The following TRAPPC12 variants were observed in gnomAD, a reference collection of about 807,000 sequenced individuals.
TRAPPC12 encodes trafficking protein particle complex subunit 12, also known as TPR repeat protein 15.
TRAPPC12 carries 61 observed loss-of-function variants against 69.2 expected under a neutral mutation model. The ratio of observed to expected loss-of-function variants is 0.88; its 90% CI spans 0.72 to 1.09. TRAPPC12 has a LOEUF of 1.09. Among genes scored for constraint, TRAPPC12 ranks in the 50% least tolerant of loss-of-function variants. The probability of loss-of-function intolerance (pLI) is 0.00; values close to 1 mark genes in which losing one functional copy is unlikely to be tolerated. For synonymous variants in TRAPPC12, 469 were observed against 438.9 expected (o/e 1.07, Z -0.86); for missense variants, 1,101 against 1,016.4 (o/e 1.08, Z -1.13).
intron 1 of TRAPPC12, among the ~76,000 whole-genome samples, chr2:3,386,964 G>GT (rs932148099): frequency 1.3e-5 from 2 of 152,182 alleles, no homozygotes; most frequent in African/African-American, 4.8e-5. Flanking sequence ...ATGAAAAACA[G>GT]TTTTTTGGTG....
chr2:3,424,399 A>G, intron 4 of TRAPPC12, 126 bp from the exon 5 acceptor site: 1 of 805,180 alleles, frequency 1.2e-6, no homozygotes, highest in Non-Finnish European at 1.9e-6. Context: ...GCAAAGATAG[A>G]AAGTTAGGTT....
At chr2:3,421,815 T>G in intron 3 of TRAPPC12, 66 bp from the exon 4 acceptor site, 1 of 1,445,396 alleles carries the variant, frequency 6.9e-7, no homozygotes, top group Non-Finnish European at 9.7e-7. Flanking sequence ...TGGCTATGCG[T>G]TTGGGTCATG....
intron 3 of TRAPPC12, among the ~76,000 whole-genome samples, chr2:3,410,595 G>A (rs1007183172): frequency 6.6e-6 from 1 of 152,028 alleles, no homozygotes; most frequent in African/African-American, 2.4e-5. Flanking sequence ...ATACATAGTG[G>A]GTATAAAATG....
chr2:3,431,269 TAGAC>T (rs964152969), intron 5 of TRAPPC12, among the ~76,000 whole-genome samples: 1 of 152,206 alleles, frequency 6.6e-6, no homozygotes, highest in Non-Finnish European at 1.5e-5. Flanking sequence ...TTTGGCCCTG[TAGAC>T]AGACAGTCTC....
chr2:3,422,039 A>G, intron 4 of TRAPPC12, 45 bp downstream of exon 4: 1 of 1,474,486 alleles, frequency 6.8e-7, no homozygotes, highest in Non-Finnish European at 9.4e-7. Context: ...GGCTTATCAC[A>G]GTCTGGGGAC....
At chr2:3,403,798 A>G (rs1390674387) in intron 3 of TRAPPC12, among the ~76,000 whole-genome samples, 1 of 152,216 alleles carries the variant, frequency 6.6e-6, no homozygotes, top group East Asian at 1.9e-4. Context: ...TTCAGAAGAA[A>G]ATAATCCCAG....
chr2:3,447,777 C>T (rs920346202), intron 6 of TRAPPC12, among the ~76,000 whole-genome samples: 5 of 152,190 alleles, frequency 3.3e-5, no homozygotes, highest in Admixed American at 6.5e-5. Context: ...TTGGTGTGGC[C>T]TTTGATCCCC....
At position 3,443,143 on chromosome 2, in the gene TRAPPC12, G is replaced by T. The variant is rs576909271; in HGVS notation, c.1418-636G>T. Among the ~76,000 whole-genome samples the T allele has an allele frequency of 9.5e-4, 144 of 152,328 alleles. 3 individuals carry two copies. The highest frequency in any genetic ancestry group is 3.5e-3 in the South Asian group (17 of 4,830). On this transcript the variant is annotated intron_variant, in intron 5 of 11. Transcript: ENST00000324266. ...TCCTGAGCTTCTTCCTCTTCTTAGC[G>T]CACGCAAAGCCAGGCAGCTCTGGGT...
intron 2 of TRAPPC12, among the ~76,000 whole-genome samples, chr2:3,390,827 G>A (rs1660781686): frequency 6.6e-6 from 1 of 152,188 alleles, no homozygotes; most frequent in African/African-American, 2.4e-5. Context: ...AAGACTGTGT[G>A]TGTAGGGGGA....
At chr2:3,415,417 T>G (rs947060282) in intron 3 of TRAPPC12, among the ~76,000 whole-genome samples, 2 of 152,226 alleles carry the variant, frequency 1.3e-5, no homozygotes, top group Admixed American at 1.3e-4. Context: ...TTCTTTTCTT[T>G]TCTTTTGAGA....
At chr2:3,471,507 C>T (rs1666058635) in intron 9 of TRAPPC12, among the ~76,000 whole-genome samples, 1 of 152,158 alleles carries the variant, frequency 6.6e-6, no homozygotes, top group African/African-American at 2.4e-5. Context: ...TCACACAGAG[C>T]CTCCTTTAGA....
Position 3,388,444 on chromosome 2 carries a change from C to T in TRAPPC12, c.821C>T (p.Pro274Leu), listed in dbSNP as rs1660627629. The change falls in exon 2 of 12, where the codon CCG becomes CTG. Residue 274 changes from proline (P) to leucine (L), a missense_variant. Physicochemically the swap from Pro to Leu is moderately conservative, Grantham distance 98. Transcript: ENST00000324266. ...AMRGPQAAAP[P>L]ASPEPFAHIQ... Reference sequence around the variant, plus strand: ...CGAGGGCCCCAGGCAGCTGCGCCCCCGGCGTCGCCAGAGCCTTTCGCGCAC... The same window carrying T: ...CGAGGGCCCCAGGCAGCTGCGCCCCTGGCGTCGCCAGAGCCTTTCGCGCAC... 6.2e-7 allele frequency: 1 copy of T among 1,608,636 alleles called. No homozygotes were observed. The highest frequency in any genetic ancestry group is 8.5e-7 in the Non-Finnish European group (1 of 1,177,996).
intron 6 of TRAPPC12, among the ~76,000 whole-genome samples, chr2:3,454,224 C>T (rs1229895498): frequency 6.6e-6 from 1 of 152,202 alleles, no homozygotes; most frequent in East Asian, 1.9e-4. Flanking sequence ...TGTAGCCTGC[C>T]TGGTGTCTCC....
At chr2:3,394,641 G>T (rs1285045505) in intron 2 of TRAPPC12, among the ~76,000 whole-genome samples, 2 of 151,916 alleles carry the variant, frequency 1.3e-5, no homozygotes, top group Non-Finnish European at 2.9e-5. Flanking sequence ...AAAAAAGGGG[G>T]GGGAGATCAG....
chr2:3,478,495 G>A (rs896335241), intron 10 of TRAPPC12, among the ~76,000 whole-genome samples: 2 of 152,142 alleles, frequency 1.3e-5, no homozygotes, highest in Non-Finnish European at 2.9e-5. Context: ...TTAGCCAGGC[G>A]TGGTGGCAGT....
chr2:3,455,910 T>G (rs1381475293), intron 6 of TRAPPC12: 5 of 152,152 alleles, frequency 3.3e-5, no homozygotes, highest in African/African-American at 1.2e-4. Flanking sequence ...CTATTTTTTG[T>G]TTTTTTGTAG....
At chr2:3,415,809 C>A (rs1662349500) in intron 3 of TRAPPC12, among the ~76,000 whole-genome samples, 1 of 151,578 alleles carries the variant, frequency 6.6e-6, no homozygotes, top group African/African-American at 2.4e-5. Context: ...CTCCACCTTG[C>A]AGGTTCACAC....
intron 6 of TRAPPC12, among the ~76,000 whole-genome samples, chr2:3,445,741 TTCA>T (rs1664473085): frequency 6.6e-6 from 1 of 152,246 alleles, no homozygotes; most frequent in African/African-American, 2.4e-5. Context: ...CTTGCCTGGC[TTCA>T]TCACTATAAC....
intron 3 of TRAPPC12, among the ~76,000 whole-genome samples, chr2:3,415,190 G>A (rs560482799): frequency 3.3e-5 from 5 of 152,274 alleles, no homozygotes; most frequent in African/African-American, 4.8e-5. Context: ...CTCCCCTTTC[G>A]GTGGGAACTG....
Sources: gnomAD v4.1 joint callset for allele counts (sites outside exome capture counted in the v4.1 genomes callset) on GRCh38, gnomAD v4.1.1 for gene constraint, MANE v1.5 for transcripts, NCBI Gene and HGNC (gene_info 2026-07-23, HGNC 2026-07-21) for gene names.